Variants in STXBP5 observed in about 807,000 individuals in gnomAD.
STXBP5 encodes the protein syntaxin binding protein 5.
Under a neutral mutation model 152.4 loss-of-function variants are expected in STXBP5, and 50 were observed. The ratio of observed to expected loss-of-function variants is 0.33; its 90% CI spans 0.26 to 0.42. The LOEUF (loss-of-function observed/expected upper bound fraction) is 0.42, where lower values mean the gene tolerates loss of function less well. Ranked by LOEUF, STXBP5 falls within the 10% of genes least tolerant of loss-of-function variation. The pLI is 1.00. For synonymous variants in STXBP5, 492 were observed against 494.7 expected (o/e 0.99, Z 0.07); for missense variants, 1,167 against 1,388.6 (o/e 0.84, Z 2.54).
At chr6:147,228,568 T>C (rs73788836) in intron 2 of STXBP5, among the ~76,000 whole-genome samples, 2,722 of 152,202 alleles carry the variant, frequency 0.018, 70 homozygotes, top group African/African-American at 0.061. Context: ...TTTGATACTT[T>C]CTCTTCTTCT....
chr6:147,332,849 AATG>A (rs910895172), intron 18 of STXBP5, among the ~76,000 whole-genome samples: 1 of 152,192 alleles, frequency 6.6e-6, no homozygotes, highest in African/African-American at 2.4e-5. Context: ...CCTTTTTAAG[AATG>A]ATAACTATAT....
intron 9 of STXBP5, 123 bp downstream of exon 9, chr6:147,291,295 G>A: frequency 1.6e-6 from 1 of 620,762 alleles, no homozygotes; most frequent in South Asian, 5.5e-5. Flanking sequence ...TAAATTTTAT[G>A]CTTTTTTTAT....
At chr6:147,277,824 G>A (rs1780519617) in intron 7 of STXBP5, among the ~76,000 whole-genome samples, 1 of 152,012 alleles carries the variant, frequency 6.6e-6, no homozygotes, top group Non-Finnish European at 1.5e-5. Flanking sequence ...GAACTTGTCC[G>A]TAGATGTCAC....
Position 147,261,480 on chromosome 6 carries a change from A to G in STXBP5, c.566+731A>G, listed in dbSNP as rs76644691. ...TGAATGTTTCTTTTTGATTTTAAGC[A>G]AATAGTGTTGTATTGTTGCATTCCA... On this transcript the variant is annotated intron_variant, in intron 5 of 27. Coordinates refer to ENST00000321680, the MANE Select transcript of STXBP5 (RefSeq NM_001127715.4). 9.0e-3 allele frequency among the ~76,000 whole-genome samples: 1,367 copies of G among 152,144 alleles called. 9 individuals carry two copies. The highest frequency in any genetic ancestry group is 0.014 in the Non-Finnish European group (980 of 67,922).
intron 15 of STXBP5, 27 bp downstream of exon 15, chr6:147,315,762 G>A: frequency 6.3e-7 from 1 of 1,584,264 alleles, no homozygotes; most frequent in Admixed American, 1.7e-5. Flanking sequence ...TATTTTCATG[G>A]TCAAGTTATT....
chr6:147,338,450 C>T (rs180680681), intron 19 of STXBP5, among the ~76,000 whole-genome samples: 5,365 of 151,746 alleles, frequency 0.035, 140 homozygotes, highest in Admixed American at 0.053. Flanking sequence ...CAAAATACTA[C>T]TTGAGATCAC....
rs1783720684 is a variant in STXBP5, at chr6:147,334,230, GGTTT to G, written c.2146+9_2146+12del. The stretch of plus-strand genomic sequence containing the variant: ...GCAAATCTCCAACCTCTGGTAATTT[GGTTT>G]TTTTTTATTTCATTAATAATTATGA... On this transcript the variant is annotated intron_variant, in intron 19 of 27. Coordinates refer to ENST00000321680, the MANE Select transcript of STXBP5 (RefSeq NM_001127715.4). The G allele has an allele frequency of 6.2e-7, 1 of 1,607,788 alleles. No individual in the cohort carries two copies. Among genetic ancestry groups the G allele is most frequent in the Non-Finnish European group, 8.5e-7 (1 of 1,177,430 alleles).
Position 147,354,744 on chromosome 6 carries a change from G to A in STXBP5, c.2305+1371G>A, listed in dbSNP as rs564066665. ...AAATCATGTAAGTAATTTAATTAAA[G>A]TATGTACTCCATGCTTTCATAGATT... On this transcript the variant is annotated intron_variant, in intron 22 of 27. Coordinates refer to ENST00000321680, the MANE Select transcript of STXBP5 (RefSeq NM_001127715.4). Among the ~76,000 whole-genome samples the A allele has an allele frequency of 5.9e-5, 9 of 152,234 alleles. No individual in the cohort carries two copies. In the South Asian group the frequency reaches 1.5e-3, roughly 25 times the overall value.
At chr6:147,278,329 G>A (rs1780543547) in intron 8 of STXBP5, 125 bp downstream of exon 8, 7 of 963,850 alleles carry the variant, frequency 7.3e-6, no homozygotes, top group East Asian at 5.9e-5. Flanking sequence ...CTGTTTTTAG[G>A]GAATTAAAAA....
intron 25 of STXBP5, among the ~76,000 whole-genome samples, chr6:147,367,054 G>T (rs75556273): frequency 0.029 from 4,401 of 152,086 alleles, 105 homozygotes; most frequent in Admixed American, 0.05. Context: ...GCACACAAAA[G>T]GATATTAAAA....
At chr6:147,299,143 C>G (rs917166212) in intron 9 of STXBP5, among the ~76,000 whole-genome samples, 2 of 151,212 alleles carry the variant, frequency 1.3e-5, no homozygotes, top group Non-Finnish European at 3.0e-5. Flanking sequence ...AGAGATGACT[C>G]AAATTAATAA....
At chr6:147,259,223 G>A (rs767557383) in intron 4 of STXBP5, among the ~76,000 whole-genome samples, 1 of 151,992 alleles carries the variant, frequency 6.6e-6, no homozygotes, top group Non-Finnish European at 1.5e-5. Context: ...TAAATATTTT[G>A]TTCTTCTCAC....
rs1786267850 is a variant in STXBP5 at position 147,384,870 on chromosome 6, T to C, written c.*115T>C. Reference sequence around the variant, plus strand: ...ATGTTCGTCACTGAATACTGTTCTTTCCTAGCACAGTCATGCACTGTTTTA... The same window carrying C: ...ATGTTCGTCACTGAATACTGTTCTTCCCTAGCACAGTCATGCACTGTTTTA... On this transcript the variant is annotated 3_prime_UTR_variant, in exon 28 of 28. Transcript: ENST00000321680. 3.7e-6 allele frequency: 4 copies of C among 1,069,574 alleles called. No individual in the cohort carries two copies. The highest frequency in any genetic ancestry group is 2.8e-5 in the South Asian group (2 of 71,644). 66.3% of individuals were successfully genotyped at this position (1,069,574 alleles called of 1,614,324 possible).
chr6:147,287,992 C>T (rs925305183), intron 8 of STXBP5, among the ~76,000 whole-genome samples: 5 of 151,694 alleles, frequency 3.3e-5, no homozygotes, highest in African/African-American at 1.2e-4. Context: ...ATCTCAAAGT[C>T]GGCCAGAAAT....
At chr6:147,300,660 T>C (rs1337726178) in intron 9 of STXBP5, among the ~76,000 whole-genome samples, 1 of 150,152 alleles carries the variant, frequency 6.7e-6, no homozygotes, top group East Asian at 1.9e-4. Context: ...TGCTAAAAAA[T>C]GTATTAAAGA....
intron 21 of STXBP5, chr6:147,351,763 C>A: frequency 1.4e-6 from 1 of 736,152 alleles, no homozygotes; most frequent in Non-Finnish European, 1.7e-6. Context: ...TTTGATGTCC[C>A]TTCCAACCCC....
At chr6:147,281,163 T>C (rs1381865517) in intron 8 of STXBP5, among the ~76,000 whole-genome samples, 1 of 152,180 alleles carries the variant, frequency 6.6e-6, no homozygotes, top group Non-Finnish European at 1.5e-5. Context: ...TTCAAGCGAT[T>C]CTCCTGCACT....
chr6:147,226,743 C>T (rs1208779027), intron 2 of STXBP5, among the ~76,000 whole-genome samples: 1 of 152,126 alleles, frequency 6.6e-6, no homozygotes, highest in African/African-American at 2.4e-5. Context: ...TAACTGAAGA[C>T]CTAACTGTTA....
chr6:147,291,671 A>G (rs1039194592), intron 9 of STXBP5, among the ~76,000 whole-genome samples: 18 of 152,152 alleles, frequency 1.2e-4, no homozygotes, highest in Admixed American at 4.6e-4. Context: ...TATGAATTAC[A>G]TATGAAAATT....
Sources: allele counts gnomAD v4.1 joint callset (sites outside exome capture counted in the v4.1 genomes callset), GRCh38; gene constraint gnomAD v4.1.1; transcripts MANE v1.5; gene names NCBI Gene and HGNC (gene_info 2026-07-23, HGNC 2026-07-21).